KHDRBS2: variants seen among roughly 807,000 people sequenced by gnomAD.
KHDRBS2 encodes the protein KH RNA binding domain containing, signal transduction associated 2, also known as KH domain-containing, RNA-binding, signal transduction-associated protein 2.
In KHDRBS2, 26 loss-of-function variants were observed where a neutral mutation model predicts 44.3. The ratio of observed to expected loss-of-function variants is 0.59; its 90% CI spans 0.43 to 0.81. The LOEUF (loss-of-function observed/expected upper bound fraction) is 0.81. Ranked by LOEUF, KHDRBS2 falls within the 40% of genes least tolerant of loss-of-function variation. The pLI is 0.00. For missense variants in KHDRBS2, 476 were observed against 433.1 expected (o/e 1.10, Z -0.88); for synonymous variants, 194 against 151.1 (o/e 1.28, Z -2.08).
intron 7 of KHDRBS2, among the ~76,000 whole-genome samples, chr6:61,722,173 C>G (rs567413628): frequency 6.6e-6 from 1 of 152,008 alleles, no homozygotes; most frequent in Admixed American, 6.6e-5. Flanking sequence ...CTGCTGGATT[C>G]GGTTTGCCAT....
In KHDRBS2 at chr6:61,859,107, G is replaced by A. The variant is rs1796550387; in HGVS notation, c.810+35528C>T. 3.3e-5 allele frequency among the ~76,000 whole-genome samples: 5 copies of A among 151,628 alleles called. No individual in the cohort carries two copies. In the South Asian group the frequency reaches 6.2e-4, roughly 19 times the overall value. Reference sequence around the variant, plus strand: ...AATACATACATTTAAAACTATATAAGTACTATTTTAAAATATATGTATATT... The same window carrying A: ...AATACATACATTTAAAACTATATAAATACTATTTTAAAATATATGTATATT... On this transcript the variant is annotated intron_variant, in intron 6 of 8. Transcript: ENST00000281156.
rs1836497289 is a variant in KHDRBS2 at position 62,251,354 on chromosome 6, T to G, written c.91+34504A>C. Among the ~76,000 whole-genome samples the G allele has an allele frequency of 2.6e-5, 4 of 151,880 alleles. No individual in the cohort carries two copies. In the South Asian group the frequency reaches 8.3e-4, roughly 31 times the overall value. Reference sequence around the variant, plus strand: ...GGCTAATTAAAAAACCACAAATATGTAAAAATATGTAAATTTGGGTAAAGG... The same window carrying G: ...GGCTAATTAAAAAACCACAAATATGGAAAAATATGTAAATTTGGGTAAAGG... On this transcript the variant is annotated intron_variant, in intron 1 of 8. Coordinates refer to ENST00000281156, the MANE Select transcript of KHDRBS2 (RefSeq NM_152688.4).
At position 61,851,198 on chromosome 6, in the gene KHDRBS2, A is replaced by T. The variant is rs192910128; in HGVS notation, c.810+43437T>A. Among the ~76,000 whole-genome samples, 141 of 152,006 alleles carry T rather than the reference A, an allele frequency of 9.3e-4. 1 individual carries two copies. Among genetic ancestry groups the T allele is most frequent in the African/African-American group, 3.4e-3 (141 of 41,454 alleles). On this transcript the variant is annotated intron_variant, in intron 6 of 8. Coordinates refer to ENST00000281156, the MANE Select transcript of KHDRBS2 (RefSeq NM_152688.4). ...GCCTCTGTTGAAAAAATGAGAAAAAAATATATATATACACACACACATATA... is the reference window on the plus strand; with the variant it reads ...GCCTCTGTTGAAAAAATGAGAAAAATATATATATATACACACACACATATA...
chr6:61,882,342 G>A (rs1029366105), intron 6 of KHDRBS2, among the ~76,000 whole-genome samples: 6 of 151,884 alleles, frequency 4.0e-5, no homozygotes, highest in Non-Finnish European at 5.9e-5. Flanking sequence ...CACTTCATAC[G>A]GGTGTTTATA....
At chr6:61,579,585 C>T in the KHDRBS2 span, among the ~76,000 whole-genome samples, 8 of 151,916 alleles carry the variant, frequency 5.3e-5, no homozygotes, top group South Asian at 2.1e-4. Context: ...AGCTAGTGAC[C>T]GAATGTTATT....
At chr6:61,984,194 T>C (rs1231407312) in intron 3 of KHDRBS2, among the ~76,000 whole-genome samples, 4 of 152,154 alleles carry the variant, frequency 2.6e-5, no homozygotes, top group Non-Finnish European at 4.4e-5. Flanking sequence ...TACTTAGAGC[T>C]CAACATCAAG....
intron 3 of KHDRBS2, among the ~76,000 whole-genome samples, chr6:61,993,516 C>G (rs958830588): frequency 3.3e-5 from 5 of 151,276 alleles, no homozygotes; most frequent in Non-Finnish European, 7.4e-5. Context: ...GCATATCCCC[C>G]TCCCCACCAC....
intron 3 of KHDRBS2, among the ~76,000 whole-genome samples, chr6:62,045,693 T>A (rs62416708): frequency 0.061 from 9,218 of 152,098 alleles, 405 homozygotes; most frequent in Non-Finnish European, 0.091. Context: ...TATACACTTT[T>A]ATTGCACAAT....
At chr6:61,561,559 A>G in the KHDRBS2 span, among the ~76,000 whole-genome samples, 4 of 152,098 alleles carry the variant, frequency 2.6e-5, no homozygotes, top group Non-Finnish European at 5.9e-5. Flanking sequence ...CCCAAACCAC[A>G]AGATGAATTT....
chr6:61,791,161 C>T (rs1339356222), intron 6 of KHDRBS2, among the ~76,000 whole-genome samples: 1 of 150,958 alleles, frequency 6.6e-6, no homozygotes, highest in Non-Finnish European at 1.5e-5. Context: ...CAGAGGTTTG[C>T]GAAATTTATT....
chr6:61,561,568 T>A, the KHDRBS2 span, among the ~76,000 whole-genome samples: 40 of 152,188 alleles, frequency 2.6e-4, no homozygotes, highest in African/African-American at 9.6e-4. Flanking sequence ...CAAGATGAAT[T>A]TCTTCCCACT....
intron 3 of KHDRBS2, among the ~76,000 whole-genome samples, chr6:62,031,206 C>T (rs550510187): frequency 6.6e-6 from 1 of 152,114 alleles, no homozygotes; most frequent in South Asian, 2.1e-4. Context: ...CATGATTAAT[C>T]ACCCGCTAAC....
intron 1 of KHDRBS2, among the ~76,000 whole-genome samples, chr6:62,273,610 C>T (rs1329989240): frequency 6.6e-6 from 1 of 152,044 alleles, no homozygotes; most frequent in Non-Finnish European, 1.5e-5. Context: ...CCTAAGTGTC[C>T]TTTCTATTGC....
At chr6:61,903,549 C>A (rs1004282895) in intron 4 of KHDRBS2, among the ~76,000 whole-genome samples, 2 of 152,016 alleles carry the variant, frequency 1.3e-5, no homozygotes, top group African/African-American at 4.8e-5. Context: ...GTCAAGGAGG[C>A]TGGGGAAGAG....
chr6:61,765,623 C>G (rs999278147), intron 6 of KHDRBS2, among the ~76,000 whole-genome samples: 1 of 151,830 alleles, frequency 6.6e-6, no homozygotes, highest in Non-Finnish European at 1.5e-5. Context: ...AGCTGTGGGT[C>G]TGTTATATAT....
At chr6:62,039,820 C>T (rs1456681542) in intron 3 of KHDRBS2, among the ~76,000 whole-genome samples, 1 of 152,050 alleles carries the variant, frequency 6.6e-6, no homozygotes, top group Admixed American at 6.6e-5. Context: ...CATTTACTTT[C>T]GCTTTTGGGA....
intron 2 of KHDRBS2, among the ~76,000 whole-genome samples, chr6:62,170,617 C>T (rs1819795467): frequency 6.6e-6 from 1 of 152,108 alleles, no homozygotes; most frequent in African/African-American, 2.4e-5. Flanking sequence ...CACATGTGCA[C>T]CCTGCTATAC....
the KHDRBS2 span, among the ~76,000 whole-genome samples, chr6:61,542,672 G>A: frequency 6.6e-6 from 1 of 151,802 alleles, no homozygotes; most frequent in Non-Finnish European, 1.5e-5. Flanking sequence ...CCATAATATT[G>A]TGCTTATTTC....
rs115013929 is a variant in KHDRBS2 at position 62,047,526 on chromosome 6, A to G, written c.336+352T>C. On this transcript the variant is annotated intron_variant, in intron 3 of 8. Coordinates refer to ENST00000281156, the MANE Select transcript of KHDRBS2 (RefSeq NM_152688.4). ...GATACAATGGATGTTATTAGGTGATATGATTGAAGAAAGAAAAAGGAACCA... is the reference window on the plus strand; with the variant it reads ...GATACAATGGATGTTATTAGGTGATGTGATTGAAGAAAGAAAAAGGAACCA... Among the ~76,000 whole-genome samples the G allele has an allele frequency of 7.4e-4, 112 of 152,044 alleles. 1 individual carries two copies. Among genetic ancestry groups the G allele is most frequent in the African/African-American group, 2.5e-3 (104 of 41,546 alleles).
Sources: gnomAD v4.1 joint callset for allele counts (sites outside exome capture counted in the v4.1 genomes callset) on GRCh38, gnomAD v4.1.1 for gene constraint, MANE v1.5 for transcripts, NCBI Gene and HGNC (gene_info 2026-07-23, HGNC 2026-07-21) for gene names.